Variants in SCCPDH observed in about 807,000 individuals in gnomAD.
SCCPDH encodes saccharopine dehydrogenase-like oxidoreductase.
A neutral mutation model predicts 51.5 loss-of-function variants in SCCPDH; 34 were observed. The ratio of observed to expected loss-of-function variants is 0.66; its 90% CI spans 0.50 to 0.88. SCCPDH has a LOEUF of 0.88. SCCPDH is among the 40% of genes least tolerant of loss of function. The pLI is 0.00. For missense variants in SCCPDH, 464 were observed against 527.1 expected (o/e 0.88, Z 1.17); for synonymous variants, 187 against 191.3 (o/e 0.98, Z 0.19).
chr1:246,746,130 A>G (rs7366377), intron 5 of SCCPDH, among the ~76,000 whole-genome samples: 23,597 of 124,628 alleles, frequency 0.19, 2,603 homozygotes, highest in Middle Eastern at 0.29. Context: ...AAAAAAAAAA[A>G]AAGAAGGAAG....
chr1:246,758,690 G>C (rs1239963610), intron 6 of SCCPDH, among the ~76,000 whole-genome samples: 1 of 152,080 alleles, frequency 6.6e-6, no homozygotes, highest in African/African-American at 2.4e-5. Context: ...GAAATTAACT[G>C]TCAACTAAAT....
chr1:246,748,420 T>A (rs202050431), intron 5 of SCCPDH, among the ~76,000 whole-genome samples: 1 of 152,346 alleles, frequency 6.6e-6, no homozygotes, highest in East Asian at 1.9e-4. Context: ...GGGGTAGTGT[T>A]GTTTGGGATT....
At chr1:246,750,331 T>A (rs1009793181) in intron 5 of SCCPDH, among the ~76,000 whole-genome samples, 2 of 152,214 alleles carry the variant, frequency 1.3e-5, no homozygotes, top group African/African-American at 2.4e-5. Flanking sequence ...GGAACTGATC[T>A]TTTGTTTTGA....
At chr1:246,757,007 T>C (rs904500578) in intron 5 of SCCPDH, among the ~76,000 whole-genome samples, 1 of 152,154 alleles carries the variant, frequency 6.6e-6, no homozygotes, top group Non-Finnish European at 1.5e-5. Context: ...AGTTTATTCC[T>C]GTAATAGAGA....
intron 2 of SCCPDH, among the ~76,000 whole-genome samples, chr1:246,732,690 C>T (rs1307874101): frequency 6.6e-6 from 1 of 152,160 alleles, no homozygotes; most frequent in Non-Finnish European, 1.5e-5. Context: ...ACCCAGCCTG[C>T]TTCCAGGTTT....
chr1:246,759,262 A>T (rs765290227), intron 7 of SCCPDH, 111 bp downstream of exon 7: 1 of 669,848 alleles, frequency 1.5e-6, no homozygotes, highest in Non-Finnish European at 2.7e-6. Flanking sequence ...TAAGTAATAC[A>T]TGTTTCAGCC....
intron 4 of SCCPDH, among the ~76,000 whole-genome samples, chr1:246,741,086 A>G (rs1408729382): frequency 6.6e-6 from 1 of 152,126 alleles, no homozygotes; most frequent in Admixed American, 6.6e-5. Flanking sequence ...CTTGTCTCTT[A>G]GAAAAAAGCA....
intron 5 of SCCPDH, among the ~76,000 whole-genome samples, chr1:246,750,476 C>T (rs748630098): frequency 9.9e-5 from 15 of 152,068 alleles, no homozygotes; most frequent in African/African-American, 3.1e-4. Context: ...CCATGGCACC[C>T]GAGTCTCTAG....
Position 246,733,038 on chromosome 1 carries a change from T to C in SCCPDH, c.304-2937T>C, listed in dbSNP as rs550597297. Among the ~76,000 whole-genome samples, 122 of 152,288 alleles carry C rather than the reference T, an allele frequency of 8.0e-4. 3 individuals are homozygous for C. In the South Asian group the frequency reaches 0.023, roughly 29 times the overall value. ...CCCTCTTTTGAGCACAACAGAAAGATGTTAGAAGTGGGACCCAGGCAGGCT... is the reference window on the plus strand; with the variant it reads ...CCCTCTTTTGAGCACAACAGAAAGACGTTAGAAGTGGGACCCAGGCAGGCT... On this transcript the variant is annotated intron_variant, in intron 2 of 11. Transcript: ENST00000366510.
In SCCPDH at chr1:246,730,886, C is replaced by G. The variant is rs56764431; in HGVS notation, c.303+3882C>G. Among the ~76,000 whole-genome samples the G allele has an allele frequency of 3.0e-3, 452 of 152,244 alleles. 2 individuals carry two copies. The highest frequency in any genetic ancestry group is 0.01 in the African/African-American group (436 of 41,538). On this transcript the variant is annotated intron_variant, in intron 2 of 11. Coordinates refer to ENST00000366510, the MANE Select transcript of SCCPDH (RefSeq NM_016002.3). ...CCAGCCTGGCCAACATGGTGAAACC[C>G]TGTCTCTACTAAAAATACAAAAAAT...
At chr1:246,750,994 C>T (rs1350287401) in intron 5 of SCCPDH, among the ~76,000 whole-genome samples, 1 of 152,232 alleles carries the variant, frequency 6.6e-6, no homozygotes, top group African/African-American at 2.4e-5. Flanking sequence ...CGTGGGGCCC[C>T]CAGTGGGTCC....
chr1:246,758,994 A>G (rs191796172), intron 6 of SCCPDH, 40 bp from the exon 7 acceptor site: 16 of 1,140,946 alleles, frequency 1.4e-5, no homozygotes, highest in African/African-American at 4.6e-5. Context: ...CAAAGTTGTA[A>G]TTGCAGGAAA....
chr1:246,760,041 G>C lies in SCCPDH; in HGVS notation c.898G>C (p.Val300Leu). The C allele has an allele frequency of 6.2e-7, 1 of 1,613,440 alleles. No individual in the cohort carries two copies. The highest frequency in any genetic ancestry group is 1.3e-5 in the African/African-American group (1 of 75,016). The change falls in exon 8 of 12, where the codon GTG becomes CTG. Residue 300 changes from valine to leucine, a missense_variant. Val to Leu is a conservative substitution (Grantham distance 32). Coordinates refer to ENST00000366510, the MANE Select transcript of SCCPDH (RefSeq NM_016002.3). The part of the protein sequence containing the change: ...MFAGLFFLFF[V>L]RFGIGRQLLI... ...TGCAGGACTTTTCTTTTTGTTCTTT[G>C]TGAGGTTTGGAATTGGAAGGCAACT...
intron 7 of SCCPDH, 143 bp downstream of exon 7, chr1:246,759,294 T>C (rs1668979120): frequency 1.6e-6 from 1 of 608,446 alleles, no homozygotes; most frequent in African/African-American, 1.9e-5. Context: ...ACAGAATCAT[T>C]AGGGTAGAAC....
In SCCPDH at chr1:246,760,199, TTTCAAAACAAGGCCCAA is replaced by T; in HGVS notation, c.963_979del (p.Ser322ThrfsTer5). ...CCATGGTTCTTCTCCTTTGGCTATT[TTTCAAAACAAGGCCCAA>T]CACAAAAACAGGTAATTTCTTTTGT... On this transcript the variant is annotated frameshift_variant, in exon 9 of 12. Coordinates refer to ENST00000366510, the MANE Select transcript of SCCPDH (RefSeq NM_016002.3). LOFTEE classifies it high-confidence loss of function. 2 of 1,610,846 alleles carry T rather than the reference TTTCAAAACAAGGCCCAA, an allele frequency of 1.2e-6. No individual in the cohort carries two copies. Among genetic ancestry groups the T allele is most frequent in the Non-Finnish European group, 1.7e-6 (2 of 1,179,260 alleles).
rs186422906 is a variant in SCCPDH at position 246,760,587 on chromosome 1, G to A, written c.990+360G>A. On this transcript the variant is annotated intron_variant, in intron 9 of 11. Transcript: ENST00000366510. The stretch of plus-strand genomic sequence containing the variant: ...TCTCCTCTGTTATCTTTTCCTTTGT[G>A]CCTCCTCTGCCCCCAGTTTCACTTC... 2.8e-3 allele frequency among the ~76,000 whole-genome samples: 428 copies of A among 152,104 alleles called. 1 individual carries two copies. Among genetic ancestry groups the A allele is most frequent in the Non-Finnish European group, 3.5e-3 (241 of 67,990 alleles).
chr1:246,725,382 G>A (rs1327813188), intron 1 of SCCPDH, among the ~76,000 whole-genome samples: 1 of 152,130 alleles, frequency 6.6e-6, no homozygotes, highest in African/African-American at 2.4e-5. Context: ...CGAGTCTGGG[G>A]TGCAGGATGG....
chr1:246,761,576 C>T (rs906484558), intron 9 of SCCPDH, among the ~76,000 whole-genome samples: 5 of 152,190 alleles, frequency 3.3e-5, no homozygotes, highest in Admixed American at 1.3e-4. Flanking sequence ...CTCCCCCAGC[C>T]CCGGCAACCG....
intron 5 of SCCPDH, among the ~76,000 whole-genome samples, chr1:246,747,885 G>C (rs1376934202): frequency 6.6e-6 from 1 of 152,150 alleles, no homozygotes; most frequent in Non-Finnish European, 1.5e-5. Flanking sequence ...TCAAGGAGAC[G>C]TAAAGAACGA....
Sources: allele counts gnomAD v4.1 joint callset (sites outside exome capture counted in the v4.1 genomes callset), GRCh38; gene constraint gnomAD v4.1.1; transcripts MANE v1.5; gene names NCBI Gene and HGNC (gene_info 2026-07-23, HGNC 2026-07-21).